Variants in DEFB106B observed in about 807,000 individuals in gnomAD.
The protein encoded by DEFB106B is beta-defensin 106.
intron 1 of DEFB106B, among the ~76,000 whole-genome samples, chr8:7,483,779 G>A (rs1811369948): frequency 7.8e-6 from 1 of 128,470 alleles, no homozygotes; most frequent in Non-Finnish European, 1.6e-5. Context: ...ATAGACTATA[G>A]TGTGGTATTC....
At chr8:7,484,330 G>A (rs1811401056) in intron 1 of DEFB106B, among the ~76,000 whole-genome samples, 1 of 147,128 alleles carries the variant, frequency 6.8e-6, no homozygotes, top group Non-Finnish European at 1.5e-5. Context: ...ACTAGTGTAT[G>A]TACTAGTATA....
chr8:7,484,208 A>G (rs1339774042), intron 1 of DEFB106B, among the ~76,000 whole-genome samples: 1 of 138,030 alleles, frequency 7.2e-6, no homozygotes, highest in African/African-American at 2.7e-5. Context: ...TATACTATAT[A>G]CTAGTGTATT....
At chr8:7,483,803 T>C (rs1395897016) in intron 1 of DEFB106B, among the ~76,000 whole-genome samples, 2 of 131,670 alleles carry the variant, frequency 1.5e-5, no homozygotes, top group Non-Finnish European at 3.2e-5. Context: ...TAAAATCTTT[T>C]TGGTTTAGTA....
intron 1 of DEFB106B, among the ~76,000 whole-genome samples, chr8:7,484,879 A>G (rs1237688090): frequency 1.9e-5 from 1 of 51,736 alleles, no homozygotes; most frequent in Non-Finnish European, 4.2e-5. Context: ...CTCAAAAAAA[A>G]AAAAAAATAT....
chr8:7,484,192 A>G (rs1325026842), intron 1 of DEFB106B, among the ~76,000 whole-genome samples: 1 of 137,882 alleles, frequency 7.3e-6, no homozygotes, highest in Non-Finnish European at 1.6e-5. Flanking sequence ...ATACTAGTAT[A>G]TACACTATAC....
At chr8:7,483,400 T>C (rs1585531173) in intron 1 of DEFB106B, among the ~76,000 whole-genome samples, 2 of 115,320 alleles carry the variant, frequency 1.7e-5, no homozygotes, top group Middle Eastern at 8.3e-3. Context: ...TCAGTAGCAG[T>C]CCCAAGAGCA....
chr8:7,484,994 T>G (rs1296553685), intron 1 of DEFB106B, among the ~76,000 whole-genome samples: 29 of 73,334 alleles, frequency 4.0e-4, no homozygotes, highest in African/African-American at 1.5e-3. Flanking sequence ...GTATATACTA[T>G]GCTATACTAT....
chr8:7,485,874 C>A (rs1811476354), intron 1 of DEFB106B, among the ~76,000 whole-genome samples: 1 of 95,096 alleles, frequency 1.1e-5, no homozygotes, highest in Non-Finnish European at 2.1e-5. Flanking sequence ...ATGTGAAGCT[C>A]TCATCACAGT....
At chr8:7,484,263 T>C (rs1164460073) in intron 1 of DEFB106B, among the ~76,000 whole-genome samples, 2 of 131,388 alleles carry the variant, frequency 1.5e-5, no homozygotes, top group Admixed American at 1.6e-4. Context: ...ATTATACTAG[T>C]ATAATACACT....
chr8:7,484,885 A>T (rs1412467803), intron 1 of DEFB106B, among the ~76,000 whole-genome samples: 3 of 51,602 alleles, frequency 5.8e-5, no homozygotes, highest in Non-Finnish European at 1.3e-4. Flanking sequence ...AAAAAAAAAA[A>T]ATATGTATAT....
intron 1 of DEFB106B, among the ~76,000 whole-genome samples, chr8:7,484,991 C>G (rs1226080366): frequency 1.4e-5 from 1 of 71,416 alleles, no homozygotes; most frequent in Non-Finnish European, 2.6e-5. Flanking sequence ...ATAGTATATA[C>G]TATGCTATAC....
chr8:7,484,578 T>C (rs2128880627), intron 1 of DEFB106B, among the ~76,000 whole-genome samples: 1 of 138,116 alleles, frequency 7.2e-6, no homozygotes, highest in East Asian at 2.1e-4. Flanking sequence ...TATACTAGTA[T>C]AATATAGTAT....
At chr8:7,484,890 G>GTATATA (rs775001136) in intron 1 of DEFB106B, among the ~76,000 whole-genome samples, 2 of 78,394 alleles carry the variant, frequency 2.6e-5, no homozygotes, top group African/African-American at 5.0e-5. Context: ...AAAAAAATAT[G>GTATATA]TATATATATA....
chr8:7,484,309 C>G (rs1811399868), intron 1 of DEFB106B, among the ~76,000 whole-genome samples: 1 of 145,660 alleles, frequency 6.9e-6, no homozygotes. Context: ...AGTATATACA[C>G]TATACTGTAT....
chr8:7,484,307 C>A lies in DEFB106B; in HGVS notation c.50-1555G>T, dbSNP rs189786614. On this transcript the variant is annotated intron_variant, in intron 1 of 1. Transcript: ENST00000335479. ...TGCTAGAGTATTATACTAGTATATA[C>A]ACTATACTGTATACTAGTGTATGTA... 3.8e-3 allele frequency among the ~76,000 whole-genome samples: 539 copies of A among 142,628 alleles called. 2 individuals are homozygous for A. Among genetic ancestry groups the A allele is most frequent in the African/African-American group, 0.014 (498 of 36,394 alleles). The allele number at this position is 142,628 out of a possible 152,430, so 93.6% of individuals were successfully genotyped here.
rs199679655 is a variant in DEFB106B at position 7,484,106 on chromosome 8, G to C, written c.50-1354C>G. ...AGTATATATACTATACTATATACTA[G>C]AGTATTATACTAGTATATATACTAT... is the stretch of plus-strand genomic sequence containing the variant. On this transcript the variant is annotated intron_variant, in intron 1 of 1. Transcript: ENST00000335479. Among the ~76,000 whole-genome samples the C allele has an allele frequency of 1.7e-4, 23 of 136,026 alleles. No individual in the cohort carries two copies. The East Asian group carries it at 4.3e-3, about 25-fold the overall frequency. 89.2% of individuals were successfully genotyped at this position (136,026 alleles called of 152,430 possible). A position where few individuals can be genotyped will look rare whatever the true frequency, so the allele number is the denominator to read the frequency against.
intron 1 of DEFB106B, among the ~76,000 whole-genome samples, chr8:7,484,890 G>A (rs868573652): frequency 1.5e-4 from 12 of 78,390 alleles, no homozygotes; most frequent in South Asian, 4.4e-4. Flanking sequence ...AAAAAAATAT[G>A]TATATATATA....
chr8:7,482,817 G>A, intron 1 of DEFB106B, 65 bp from the exon 2 acceptor site: 1 of 1,378,762 alleles, frequency 7.3e-7, no homozygotes, highest in Non-Finnish European at 9.8e-7. Context: ...ACCAGATACG[G>A]TTGTATGACT....
chr8:7,484,946 AG>A, intron 1 of DEFB106B, among the ~76,000 whole-genome samples: 1 of 89,532 alleles, frequency 1.1e-5, no homozygotes, highest in Non-Finnish European at 2.2e-5. Context: ...ATATAATACT[AG>A]TACAATACCA....
Sources: gnomAD v4.1 joint callset for allele counts (sites outside exome capture counted in the v4.1 genomes callset) on GRCh38, gnomAD v4.1.1 for gene constraint, MANE v1.5 for transcripts, NCBI Gene and HGNC (gene_info 2026-07-23, HGNC 2026-07-21) for gene names.